MCM8: variants seen among roughly 807,000 people sequenced by gnomAD.
The protein encoded by MCM8 is minichromosome maintenance 8 homologous recombination repair factor.
A neutral mutation model predicts 98.9 loss-of-function variants in MCM8; 85 were observed. That is an observed-to-expected ratio of 0.86 (90% CI 0.72 to 1.03). MCM8 has a LOEUF of 1.03. Ranked by LOEUF, MCM8 falls within the 50% of genes least tolerant of loss-of-function variation. The pLI, the probability that MCM8 is intolerant of heterozygous loss-of-function variation, is 0.00. For missense variants in MCM8, 951 were observed against 997.8 expected (o/e 0.95, Z 0.63); for synonymous variants, 352 against 338.6 (o/e 1.04, Z -0.44).
At chr20:5,963,179 A>G in intron 7 of MCM8, 95 bp from the exon 8 acceptor site, 1 of 956,278 alleles carries the variant, frequency 1.0e-6, no homozygotes, top group Non-Finnish European at 1.7e-6. Flanking sequence ...ACCAACTTTT[A>G]AAACAATATT....
At chr20:5,967,808 A>G in intron 9 of MCM8, 22 bp from the exon 10 acceptor site, 16 of 1,579,966 alleles carry the variant, frequency 1.0e-5, no homozygotes, top group Non-Finnish European at 1.4e-5. Flanking sequence ...CAACTATTGT[A>G]TTTAACACTT....
intron 12 of MCM8, among the ~76,000 whole-genome samples, chr20:5,977,000 C>T (rs968859937): frequency 4.6e-5 from 7 of 152,186 alleles, no homozygotes; most frequent in African/African-American, 1.7e-4. Context: ...CTAACACCAA[C>T]TGTTATGAAC....
chr20:5,959,785 G>A (rs748953627), intron 7 of MCM8, among the ~76,000 whole-genome samples: 8 of 136,542 alleles, frequency 5.9e-5, no homozygotes, highest in African/African-American at 8.1e-5. Flanking sequence ...CGCAACCTCC[G>A]CCTCCTGGGT....
chr20:5,993,835 G>A (rs889925650), intron 18 of MCM8, 140 bp downstream of exon 18: 1 of 630,132 alleles, frequency 1.6e-6, no homozygotes, highest in African/African-American at 1.8e-5. Context: ...ATAGTCAGAG[G>A]GAAACATTGT....
intron 8 of MCM8, among the ~76,000 whole-genome samples, chr20:5,966,135 G>A (rs1438077455): frequency 6.6e-6 from 1 of 152,016 alleles, no homozygotes; most frequent in African/African-American, 2.4e-5. Context: ...GTTTATGAGA[G>A]GTCTGGTGCT....
chr20:5,980,626 C>A (rs1341101015), intron 13 of MCM8, among the ~76,000 whole-genome samples: 1 of 152,032 alleles, frequency 6.6e-6, no homozygotes, highest in Non-Finnish European at 1.5e-5. Flanking sequence ...AATGCCAGCA[C>A]TTTGGGAGGC....
chr20:5,974,010 C>G (rs1045609988), intron 12 of MCM8, among the ~76,000 whole-genome samples: 24 of 152,136 alleles, frequency 1.6e-4, no homozygotes, highest in Non-Finnish European at 5.9e-5. Flanking sequence ...AAAATTCTGC[C>G]TCTGCCAGTC....
In MCM8 at chr20:5,967,823, T is replaced by C; in HGVS notation, c.1028-7T>C. Reference sequence around the variant, plus strand: ...CAACTATTGTATTTAACACTTTTAATTTACAGGTTCTCGAAATAAGAATGA... The same window carrying C: ...CAACTATTGTATTTAACACTTTTAACTTACAGGTTCTCGAAATAAGAATGA... On this transcript the variant is annotated splice_polypyrimidine_tract_variant and splice_region_variant and intron_variant, in intron 9 of 18. Coordinates refer to ENST00000610722, the MANE Select transcript of MCM8 (RefSeq NM_032485.6). 1 of 1,596,870 alleles carries C rather than the reference T, an allele frequency of 6.3e-7. No homozygotes were observed. Among genetic ancestry groups the C allele is most frequent in the Non-Finnish European group, 8.5e-7 (1 of 1,170,404 alleles).
chr20:5,976,531 A>G (rs183782937), intron 12 of MCM8, among the ~76,000 whole-genome samples: 3 of 152,344 alleles, frequency 2.0e-5, no homozygotes, highest in Admixed American at 1.3e-4. Flanking sequence ...GAACTGGCAG[A>G]AAGTTAAAAA....
chr20:5,973,337 G>A, intron 12 of MCM8, 141 bp downstream of exon 12: 1 of 1,027,172 alleles, frequency 9.7e-7, no homozygotes, highest in African/African-American at 1.6e-5. Flanking sequence ...ATTTGTGTGA[G>A]TAATATGTAA....
At chr20:5,957,382 T>G (rs1393833631) in intron 6 of MCM8, among the ~76,000 whole-genome samples, 153 bp downstream of exon 6, 1 of 152,188 alleles carries the variant, frequency 6.6e-6, no homozygotes, top group East Asian at 1.9e-4. Flanking sequence ...ATAAACTCAT[T>G]GAAAATTATT....
chr20:5,985,082 G>A (rs2089703682), intron 15 of MCM8, 82 bp downstream of exon 15: 1 of 1,112,890 alleles, frequency 9.0e-7, no homozygotes. Flanking sequence ...AGAGCAGTAG[G>A]ATACAAACTT....
chr20:5,963,094 C>CAG (rs2089189171), intron 7 of MCM8, among the ~76,000 whole-genome samples, 180 bp from the exon 8 acceptor site: 1 of 152,018 alleles, frequency 6.6e-6, no homozygotes, highest in South Asian at 2.1e-4. Flanking sequence ...CAAAAGCTGT[C>CAG]GATATTAAAT....
In MCM8 at chr20:5,978,035, A is replaced by T; in HGVS notation, c.1537+18A>T. ...TGATCAAGGTGAGAGGCCAAAGGGA[A>T]TAATTAGTGATTCTGGGACTTTTTG... is the stretch of plus-strand genomic sequence containing the variant. On this transcript the variant is annotated intron_variant, in intron 13 of 18. Coordinates refer to ENST00000610722, the MANE Select transcript of MCM8 (RefSeq NM_032485.6). The T allele has an allele frequency of 3.1e-6, 5 of 1,613,400 alleles. No homozygotes were observed. Among genetic ancestry groups the T allele is most frequent in the Non-Finnish European group, 4.2e-6 (5 of 1,179,570 alleles).
chr20:5,967,911 C>G lies in MCM8; in HGVS notation c.1109C>G (p.Thr370Arg), dbSNP rs746734634. The G allele has an allele frequency of 6.2e-7, 1 of 1,613,942 alleles. No individual in the cohort carries two copies. Among genetic ancestry groups the G allele is most frequent in the East Asian group, 2.2e-5 (1 of 44,854 alleles). ...NSISNSKGQK[T>R]KSSEDGCKHG... Reference sequence around the variant, plus strand: ...ATTAGTAATAGCAAAGGACAGAAAACAAAGAGTTCTGAGGATGGGTGTAAG... The same window carrying G: ...ATTAGTAATAGCAAAGGACAGAAAAGAAAGAGTTCTGAGGATGGGTGTAAG... The change falls in exon 10 of 19, where the codon ACA becomes AGA. Residue 370 changes from threonine to arginine, a missense_variant. Physicochemically the swap from Thr to Arg is moderately conservative, Grantham distance 71 (BLOSUM62 -1). Coordinates refer to ENST00000610722, the MANE Select transcript of MCM8 (RefSeq NM_032485.6).
At chr20:5,971,737 TAAG>T (rs2089407621) in intron 10 of MCM8, among the ~76,000 whole-genome samples, 1 of 152,222 alleles carries the variant, frequency 6.6e-6, no homozygotes, top group Non-Finnish European at 1.5e-5. Flanking sequence ...GCTAGTTGTG[TAAG>T]AAGAGCAACA....
chr20:5,952,713 C>G (rs2088866353), intron 3 of MCM8, among the ~76,000 whole-genome samples, 185 bp downstream of exon 3: 1 of 152,084 alleles, frequency 6.6e-6, no homozygotes, highest in Admixed American at 6.5e-5. Context: ...GTCAGGAAAG[C>G]AGAAACCATA....
intron 12 of MCM8, among the ~76,000 whole-genome samples, chr20:5,975,089 T>G (rs2089480648): frequency 6.6e-6 from 1 of 152,010 alleles, no homozygotes; most frequent in Non-Finnish European, 1.5e-5. Flanking sequence ...TGAGACCCTA[T>G]CTCTACAAAA....
intron 15 of MCM8, 125 bp downstream of exon 15, chr20:5,985,125 C>A: frequency 1.4e-6 from 1 of 715,450 alleles, no homozygotes; most frequent in Non-Finnish European, 2.3e-6. Context: ...TATTTCCATA[C>A]TAGAGTTTAC....
Sources: allele counts gnomAD v4.1 joint callset (sites outside exome capture counted in the v4.1 genomes callset), GRCh38; gene constraint gnomAD v4.1.1; transcripts MANE v1.5; gene names NCBI Gene and HGNC (gene_info 2026-07-23, HGNC 2026-07-21).